The following DOCK8 variants were observed in gnomAD, a reference collection of about 807,000 sequenced individuals.
DOCK8 encodes the protein dedicator of cytokinesis protein 8.
Under a neutral mutation model 245.6 loss-of-function variants are expected in DOCK8, and 141 were observed. That is an observed-to-expected ratio of 0.57 (90% CI 0.50 to 0.66). DOCK8 has a LOEUF of 0.66. Ranked by LOEUF, DOCK8 falls within the 30% of genes least tolerant of loss-of-function variation. The pLI is 0.00. For synonymous variants in DOCK8, 1,168 were observed against 970.2 expected (o/e 1.20, Z -3.79); for missense variants, 2,965 against 2,603.4 (o/e 1.14, Z -3.02).
At position 382,631 on chromosome 9, in the gene DOCK8, C is replaced by T. The variant is rs141713879; in HGVS notation, c.2724C>T (p.Leu908=). The change falls in exon 22 of 48, where the codon CTC becomes CTT. Residue 908 remains leucine, a synonymous_variant. Coordinates refer to ENST00000432829, the MANE Select transcript of DOCK8 (RefSeq NM_203447.4). The stretch of plus-strand genomic sequence containing the variant: ...TGATGAGCAGCAGTAACCCAGACCT[C>T]GCGGGGACACACTCCGCAGCAGACG... ...ARVMSSSNPD[L]AGTHSAADEE... The T allele has an allele frequency of 1.6e-5, 26 of 1,613,998 alleles. No individual in the cohort carries two copies. The highest frequency in any genetic ancestry group is 8.0e-5 in the African/African-American group (6 of 74,914).
chr9:423,541 TAC>T (rs2056363430), intron 33 of DOCK8, among the ~76,000 whole-genome samples: 1 of 152,242 alleles, frequency 6.6e-6, no homozygotes, highest in African/African-American at 2.4e-5. Flanking sequence ...TCTTTATTGT[TAC>T]CACAAGAATG....
At chr9:212,053 T>C (rs1402608907), upstream of DOCK8, among the ~76,000 whole-genome samples, 1 of 152,212 alleles carries the variant, frequency 6.6e-6, no homozygotes, top group Non-Finnish European at 1.5e-5. Context: ...CCTTACTAGT[T>C]TGTAATCTTG....
intron 5 of DOCK8, among the ~76,000 whole-genome samples, chr9:306,948 C>CAA (rs2049862126): frequency 6.6e-6 from 1 of 152,130 alleles, no homozygotes; most frequent in South Asian, 2.1e-4. Context: ...AGCCTGGACT[C>CAA]ACGCCTCACA....
At chr9:400,240 A>T (rs1586910102) in intron 26 of DOCK8, among the ~76,000 whole-genome samples, 1 of 101,502 alleles carries the variant, frequency 9.9e-6, no homozygotes, top group East Asian at 3.5e-4. Flanking sequence ...CACCATCACC[A>T]CCACCTCCAC....
At chr9:305,350 T>A (rs572218074) in intron 5 of DOCK8, among the ~76,000 whole-genome samples, 2 of 152,182 alleles carry the variant, frequency 1.3e-5, no homozygotes, top group East Asian at 3.9e-4. Flanking sequence ...TGGCACGATC[T>A]TGGCTCACTG....
chr9:275,902 T>A (rs564872203), intron 2 of DOCK8, among the ~76,000 whole-genome samples: 3 of 134,894 alleles, frequency 2.2e-5, no homozygotes, highest in Non-Finnish European at 4.8e-5. Flanking sequence ...TTTTACTTTT[T>A]TTTTTTGTAA....
At chr9:292,883 A>T (rs1362753988) in intron 4 of DOCK8, among the ~76,000 whole-genome samples, 1 of 152,236 alleles carries the variant, frequency 6.6e-6, no homozygotes. Flanking sequence ...AATCCAGATC[A>T]TTAGCCACTT....
intron 18 of DOCK8, among the ~76,000 whole-genome samples, chr9:373,951 G>A (rs1453554175): frequency 6.6e-6 from 1 of 152,188 alleles, no homozygotes; most frequent in Admixed American, 6.5e-5. Context: ...GGAAAGACCT[G>A]AGTGTTGGAG....
Position 368,116 on chromosome 9 carries a change from A to T in DOCK8, c.1778A>T (p.Asp593Val), listed in dbSNP as rs1282328578. Residue 593 changes from aspartate (D) to valine (V), a missense_variant, in exon 15 of 48, where the codon GAT becomes GTT. Asp to Val is a radical substitution (Grantham distance 152). Transcript: ENST00000432829. ...TIKIQFMCGE[D>V]ASNAMPVIFG... ...AAGATCCAGTTTATGTGTGGAGAAGATGCTAGCAATGCGATGCCGGTAAGG... is the reference window on the plus strand; with the variant it reads ...AAGATCCAGTTTATGTGTGGAGAAGTTGCTAGCAATGCGATGCCGGTAAGG... 6.2e-7 allele frequency: 1 copy of T among 1,614,116 alleles called. No individual in the cohort carries two copies. Among genetic ancestry groups the T allele is most frequent in the Admixed American group, 1.7e-5 (1 of 60,018 alleles).
intron 1 of DOCK8, among the ~76,000 whole-genome samples, chr9:230,267 T>G (rs912302158): frequency 6.6e-5 from 10 of 150,830 alleles, no homozygotes; most frequent in African/African-American, 2.5e-4. Context: ...TATTCCACGG[T>G]GTATATGTGC....
intron 1 of DOCK8, among the ~76,000 whole-genome samples, chr9:230,125 A>C (rs1018231877): frequency 1.7e-4 from 24 of 139,524 alleles, no homozygotes; most frequent in South Asian, 8.9e-4. Flanking sequence ...TCATTGTTCA[A>C]TTCCCACCTA....
At chr9:439,043 G>A (rs2056997533) in intron 39 of DOCK8, among the ~76,000 whole-genome samples, 1 of 152,170 alleles carries the variant, frequency 6.6e-6, no homozygotes, top group African/African-American at 2.4e-5. Flanking sequence ...AAAAACGTGA[G>A]GTTTGAAGAC....
In DOCK8 at chr9:434,849, A is replaced by G. The variant is rs757656822; in HGVS notation, c.4953A>G (p.Lys1651=). ...CCTGGCTCCAGAACATGGCAGAGAA[A>G]CACACCAAGAAGAAGTGCTACACGG... The part of the protein sequence containing the change: ...RLTWLQNMAE[K]HTKKKCYTEA... Residue 1651 remains lysine, a synonymous_variant, in exon 39 of 48, where the codon AAA becomes AAG. Transcript: ENST00000432829. 6 of 1,614,126 alleles carry G rather than the reference A, an allele frequency of 3.7e-6. No individual in the cohort carries two copies. The highest frequency in any genetic ancestry group is 1.3e-5 in the African/African-American group (1 of 75,030).
At chr9:403,285 C>T (rs62531873) in intron 26 of DOCK8, among the ~76,000 whole-genome samples, 56,687 of 151,980 alleles carry the variant, frequency 0.37, 11,316 homozygotes, top group East Asian at 0.62. Flanking sequence ...GTTCAAGTTC[C>T]GATAGCCGGC....
At chr9:345,037 G>C (rs911302444) in intron 14 of DOCK8, among the ~76,000 whole-genome samples, 4 of 151,846 alleles carry the variant, frequency 2.6e-5, no homozygotes, top group African/African-American at 9.7e-5. Context: ...GGGCAACAGA[G>C]CAAAAAAACT....
At chr9:339,415 G>A (rs1260533416) in intron 13 of DOCK8, among the ~76,000 whole-genome samples, 1 of 152,190 alleles carries the variant, frequency 6.6e-6, no homozygotes, top group African/African-American at 2.4e-5. Context: ...AAAAGTAAAT[G>A]TGAGATGCTT....
chr9:414,941 T>C lies in DOCK8; in HGVS notation c.3690T>C (p.Cys1230=). The C allele has an allele frequency of 6.2e-7, 1 of 1,613,684 alleles. No individual in the cohort carries two copies. Among genetic ancestry groups the C allele is most frequent in the Non-Finnish European group, 8.5e-7 (1 of 1,180,032 alleles). The change falls in exon 29 of 48, where the codon TGT becomes TGC. Residue 1230 remains cysteine, a synonymous_variant. Transcript: ENST00000432829. ...GIILDALPQL[C]DFTVADTRRY... ...TTTTGGATGCTTTGCCACAGCTCTG[T>C]GACTTTACAGGTAATGGCCCTTCTG...
intron 4 of DOCK8, among the ~76,000 whole-genome samples, chr9:299,915 A>G (rs1345353875): frequency 1.3e-5 from 2 of 151,824 alleles, no homozygotes; most frequent in African/African-American, 4.8e-5. Context: ...CAAGCTACTC[A>G]GGAGACTGAG....
At chr9:433,721 TAC>T (rs1159549564) in intron 37 of DOCK8, among the ~76,000 whole-genome samples, 152 bp from the exon 38 acceptor site, 1 of 152,204 alleles carries the variant, frequency 6.6e-6, no homozygotes, top group Non-Finnish European at 1.5e-5. Context: ...AGATGAAAAC[TAC>T]AGAGTCAGGT....
Sources: gnomAD v4.1 joint callset for allele counts (sites outside exome capture counted in the v4.1 genomes callset) on GRCh38, gnomAD v4.1.1 for gene constraint, MANE v1.5 for transcripts, NCBI Gene and HGNC (gene_info 2026-07-23, HGNC 2026-07-21) for gene names.